Variants in EZR observed in about 807,000 individuals in gnomAD.
EZR encodes the protein ezrin, also known as cytovillin 2.
In EZR, 40 loss-of-function variants were observed where a neutral mutation model predicts 74.8. The observed-to-expected ratio is 0.53, with a 90% confidence interval of 0.42 to 0.70. The LOEUF (loss-of-function observed/expected upper bound fraction) is 0.70. EZR is among the 30% of genes least tolerant of loss of function. The probability of loss-of-function intolerance (pLI) is 0.00; values close to 1 mark genes in which losing one functional copy is unlikely to be tolerated. For synonymous variants in EZR, 341 were observed against 283.3 expected, an observed-to-expected ratio of 1.20 and a Z score of -2.05; for missense variants, 678 against 755.8, an observed-to-expected ratio of 0.90 and a Z score of 1.21.
chr6:158,794,708 G>A (rs895820270), intron 2 of EZR, among the ~76,000 whole-genome samples: 4 of 152,110 alleles, frequency 2.6e-5, no homozygotes, highest in African/African-American at 9.7e-5. Flanking sequence ...TGTAGTACAG[G>A]TGTGTGTATA....
At chr6:158,778,651 G>A (rs1791346854) in intron 7 of EZR, among the ~76,000 whole-genome samples, 1 of 152,210 alleles carries the variant, frequency 6.6e-6, no homozygotes, top group Non-Finnish European at 1.5e-5. Context: ...GGCCTTTGGA[G>A]AAATGGCTGA....
chr6:158,785,638 T>C (rs1583569127), intron 4 of EZR, 55 bp from the exon 5 acceptor site: 1 of 1,594,906 alleles, frequency 6.3e-7, no homozygotes, highest in African/African-American at 1.3e-5. Flanking sequence ...AGGCCCACTG[T>C]CCCCAACACA....
At chr6:158,771,576 G>A (rs1430564085) in intron 8 of EZR, among the ~76,000 whole-genome samples, 169 bp from the exon 9 acceptor site, 2 of 152,210 alleles carry the variant, frequency 1.3e-5, no homozygotes, top group Non-Finnish European at 2.9e-5. Flanking sequence ...GATGGAGGAA[G>A]GGCACGTGCC....
At chr6:158,796,553 G>T (rs1302172869) in intron 2 of EZR, among the ~76,000 whole-genome samples, 1 of 152,104 alleles carries the variant, frequency 6.6e-6, no homozygotes. Flanking sequence ...AAATCATCTT[G>T]CCTGGCTTTT....
At chr6:158,793,152 C>T in intron 2 of EZR, among the ~76,000 whole-genome samples, 1 of 136,884 alleles carries the variant, frequency 7.3e-6, no homozygotes, top group Non-Finnish European at 1.6e-5. Flanking sequence ...AAGACCCCAT[C>T]TCTCTACAAA....
chr6:158,818,329 C>CGGGCGGGGCG (rs529554854), intron 1 of EZR, 163 bp from the exon 2 acceptor site: 9 of 253,526 alleles, frequency 3.5e-5, no homozygotes, highest in African/African-American at 1.9e-4. Context: ...GGAGGGGGCA[C>CGGGCGGGGCG]GGGCGGGGCG....
At chr6:158,783,949 TA>T (rs1328943074) in intron 6 of EZR, among the ~76,000 whole-genome samples, 2 of 152,226 alleles carry the variant, frequency 1.3e-5, no homozygotes, top group Non-Finnish European at 2.9e-5. Flanking sequence ...AACAGGTTTT[TA>T]AGTTTTATCA....
intron 8 of EZR, among the ~76,000 whole-genome samples, chr6:158,775,431 G>C (rs1791248836): frequency 1.3e-5 from 2 of 152,154 alleles, no homozygotes; most frequent in South Asian, 4.1e-4. Context: ...AGAAGTAACA[G>C]GACAATAACA....
At chr6:158,785,721 T>C in intron 4 of EZR, 138 bp from the exon 5 acceptor site, 2 of 1,133,882 alleles carry the variant, frequency 1.8e-6, no homozygotes, top group South Asian at 1.6e-5. Flanking sequence ...GTCATCTTTT[T>C]AGCACTCCAG....
At chr6:158,807,223 G>A (rs886909434) in intron 2 of EZR, among the ~76,000 whole-genome samples, 4 of 151,868 alleles carry the variant, frequency 2.6e-5, no homozygotes, top group African/African-American at 4.8e-5. Context: ...GCTGAGGCAG[G>A]AGAATGGCGT....
chr6:158,786,591 C>T (rs2128570631), intron 4 of EZR, among the ~76,000 whole-genome samples: 1 of 152,016 alleles, frequency 6.6e-6, no homozygotes, highest in African/African-American at 2.4e-5. Context: ...CCTGCTCCTC[C>T]ACTCTTCCCC....
At chr6:158,803,606 CATATATATATATATATATACATATACAT>C (rs1777258646) in intron 2 of EZR, among the ~76,000 whole-genome samples, 1 of 36,052 alleles carries the variant, frequency 2.8e-5, no homozygotes, top group Admixed American at 3.8e-4. Flanking sequence ...TATATATATA[CATATATATATATATATATACATATACAT>C]ACATATATAT....
chr6:158,784,513 T>G (rs1791515318), intron 6 of EZR, 131 bp downstream of exon 6: 2 of 741,646 alleles, frequency 2.7e-6, no homozygotes, highest in East Asian at 2.8e-5. Context: ...ACCCCACTTT[T>G]AACTCGGTTC....
At position 158,766,822 on chromosome 6, in the gene EZR, G is replaced by A. The variant is rs1790883305; in HGVS notation, c.*92C>T. On this transcript the variant is annotated 3_prime_UTR_variant, in exon 14 of 14. Coordinates refer to ENST00000367075, the MANE Select transcript of EZR (RefSeq NM_001111077.2). ...TCTAAAGGAACTGGGATCTGAGGGAGTTCCTAGACTTGGAGCACTAAAGAC... is the reference window on the plus strand; with the variant it reads ...TCTAAAGGAACTGGGATCTGAGGGAATTCCTAGACTTGGAGCACTAAAGAC... 1 of 1,245,178 alleles carries A rather than the reference G, an allele frequency of 8.0e-7. No individual in the cohort carries two copies. The highest frequency in any genetic ancestry group is 1.5e-5 in the African/African-American group (1 of 66,010). 77.1% of individuals were successfully genotyped at this position (1,245,178 alleles called of 1,614,324 possible). A position where few individuals can be genotyped will look rare whatever the true frequency, so the allele number is the denominator to read the frequency against.
At chr6:158,770,024 A>C in intron 10 of EZR, 80 bp from the exon 11 acceptor site, 5 of 1,555,436 alleles carry the variant, frequency 3.2e-6, no homozygotes, top group African/African-American at 1.4e-5. Flanking sequence ...CCCACCCCCA[A>C]AGCCACAGAG....
At position 158,767,518 on chromosome 6, in the gene EZR, G is replaced by A; in HGVS notation, c.1345-6C>T. On this transcript the variant is annotated splice_polypyrimidine_tract_variant and splice_region_variant and intron_variant, in intron 12 of 13. Transcript: ENST00000367075. ...TCATCCTGGGCTTCTTTGGCCTTTG[G>A]AAAGCAAATTAATAAGAGGACTTCT... The A allele has an allele frequency of 6.4e-7, 1 of 1,565,074 alleles. No homozygotes were observed. The highest frequency in any genetic ancestry group is 1.2e-5 in the South Asian group (1 of 84,352).
intron 4 of EZR, 74 bp downstream of exon 4, chr6:158,787,034 T>A: frequency 8.4e-7 from 1 of 1,190,440 alleles, no homozygotes; most frequent in Non-Finnish European, 1.2e-6. Flanking sequence ...ACAGGGTGAG[T>A]TGCTCCAGTT....
chr6:158,815,941 T>C (rs191487562), intron 2 of EZR, among the ~76,000 whole-genome samples: 3 of 152,300 alleles, frequency 2.0e-5, no homozygotes, highest in East Asian at 1.9e-4. Context: ...TTCTGATCTA[T>C]CATAAAAGAC....
chr6:158,780,368 C>T (rs7758516), intron 7 of EZR, among the ~76,000 whole-genome samples: 35,592 of 151,996 alleles, frequency 0.23, 5,026 homozygotes, highest in African/African-American at 0.4. Flanking sequence ...CAAAACATAA[C>T]CAACCTCTAG....
Sources: allele counts gnomAD v4.1 joint callset (sites outside exome capture counted in the v4.1 genomes callset), GRCh38; gene constraint gnomAD v4.1.1; transcripts MANE v1.5; gene names NCBI Gene and HGNC (gene_info 2026-07-23, HGNC 2026-07-21).